The following RNF34 variants were observed in gnomAD, a reference collection of about 807,000 sequenced individuals.
RNF34 encodes E3 ubiquitin-protein ligase RNF34.
Under a neutral mutation model 37.9 loss-of-function variants are expected in RNF34, and 12 were observed. The observed-to-expected ratio is 0.32, with a 90% CI of 0.20 to 0.51. The LOEUF (loss-of-function observed/expected upper bound fraction) is 0.51, where lower values mean the gene tolerates loss of function less well. Ranked by LOEUF, RNF34 falls within the 20% of genes least tolerant of loss-of-function variation. The pLI is 0.97. For missense variants in RNF34, 362 were observed against 472.7 expected, an observed-to-expected ratio of 0.77 and a Z score of 2.17; for synonymous variants, 155 against 177.2, an observed-to-expected ratio of 0.87 and a Z score of 1.00.
chr12:121,416,563 A>G (rs1416858206), intron 2 of RNF34, 186 bp downstream of exon 2: 15 of 541,512 alleles, frequency 2.8e-5, no homozygotes, highest in Non-Finnish European at 4.9e-5. Flanking sequence ...AGTTTTATAG[A>G]CATTGTTTCT....
intron 1 of RNF34, among the ~76,000 whole-genome samples, chr12:121,403,201 C>T (rs556701475): frequency 8.3e-4 from 126 of 152,176 alleles, no homozygotes; most frequent in Middle Eastern, 3.4e-3. Context: ...TTGAGACCAT[C>T]CTGGCTAACA....
intron 1 of RNF34, among the ~76,000 whole-genome samples, chr12:121,415,565 G>A (rs781953057): frequency 1.4e-4 from 22 of 152,096 alleles, no homozygotes; most frequent in Admixed American, 2.6e-4. Context: ...GCAGTGAGCC[G>A]AGATTGCGCC....
intron 1 of RNF34, chr12:121,409,362 A>G (rs1870835328): frequency 6.6e-6 from 1 of 152,238 alleles, no homozygotes; most frequent in Non-Finnish European, 1.5e-5. Flanking sequence ...ACAGAAAAAC[A>G]TGTAGACAGG....
intron 1 of RNF34, chr12:121,402,701 C>A (rs913650994): frequency 3.1e-6 from 4 of 1,278,066 alleles, no homozygotes; most frequent in Non-Finnish European, 4.4e-6. Context: ...AGAAAGTAAT[C>A]TACTGAATGT....
chr12:121,404,107 C>G (rs1015620204), intron 1 of RNF34, among the ~76,000 whole-genome samples: 1 of 150,530 alleles, frequency 6.6e-6, no homozygotes, highest in Non-Finnish European at 1.5e-5. Context: ...CTCTGCCTCT[C>G]GGGTTCAAAC....
intron 1 of RNF34, among the ~76,000 whole-genome samples, chr12:121,407,633 A>C (rs998313886): frequency 3.3e-5 from 5 of 152,260 alleles, no homozygotes; most frequent in African/African-American, 4.8e-5. Context: ...AGATGCTTCA[A>C]TCTTACTATC....
Position 121,400,163 on chromosome 12 carries a change from A to T in RNF34, c.-50A>T, listed in dbSNP as rs529512856. 6.2e-7 allele frequency: 1 copy of T among 1,600,988 alleles called. No homozygotes were observed. The highest frequency in any genetic ancestry group is 1.3e-5 in the African/African-American group (1 of 74,684). On this transcript the variant is annotated 5_prime_UTR_variant, in exon 1 of 6. An upstream start codon of the reference 5' UTR is lost. Coordinates refer to ENST00000361234, the MANE Select transcript of RNF34 (RefSeq NM_025126.4). ...GAGGTCGGCAGTGTGAGGAGCTGCT[A>T]TGGTGCTGAGTTTCCTGGTAGAGCC...
chr12:121,416,020 A>C, intron 1 of RNF34, 139 bp from the exon 2 acceptor site: 2 of 635,116 alleles, frequency 3.1e-6, no homozygotes, highest in Non-Finnish European at 5.5e-6. Flanking sequence ...AATGGCTTGA[A>C]ATTTCAGTGC....
chr12:121,416,512 T>C, intron 2 of RNF34, 135 bp downstream of exon 2: 1 of 651,572 alleles, frequency 1.5e-6, no homozygotes, highest in Non-Finnish European at 2.7e-6. Context: ...CCATTTTCCA[T>C]CTAGAAAAAT....
intron 1 of RNF34, among the ~76,000 whole-genome samples, chr12:121,407,824 A>G (rs1181389586): frequency 6.6e-6 from 1 of 152,210 alleles, no homozygotes; most frequent in Non-Finnish European, 1.5e-5. Context: ...ACCCTACCGG[A>G]TATGGTAACT....
chr12:121,421,047 C>T (rs782308425), intron 5 of RNF34, among the ~76,000 whole-genome samples: 6 of 152,064 alleles, frequency 3.9e-5, no homozygotes, highest in African/African-American at 1.2e-4. Context: ...CTATTTGTTA[C>T]AACCCTAATT....
At chr12:121,420,426 TGTTTCTTCTGG>T in intron 4 of RNF34, 92 bp downstream of exon 4, 1 of 1,551,160 alleles carries the variant, frequency 6.4e-7, no homozygotes, top group South Asian at 1.2e-5. Flanking sequence ...TAGTACAGGA[TGTTTCTTCTGG>T]TTTGAATGTA....
intron 1 of RNF34, among the ~76,000 whole-genome samples, chr12:121,403,032 A>G (rs143103429): frequency 6.6e-6 from 1 of 152,300 alleles, no homozygotes; most frequent in East Asian, 1.9e-4. Context: ...ATTGTATTTC[A>G]GTTGAAGCAG....
intron 5 of RNF34, among the ~76,000 whole-genome samples, chr12:121,421,733 G>C (rs1872186225): frequency 6.6e-6 from 1 of 152,026 alleles, no homozygotes; most frequent in Middle Eastern, 3.4e-3. Flanking sequence ...ATTGAGACAG[G>C]GTCTCACTAT....
chr12:121,420,194 A>AAATACAGATTGATTCCTGACCT (rs1555282989), intron 3 of RNF34, 48 bp from the exon 4 acceptor site: 2 of 1,577,450 alleles, frequency 1.3e-6, no homozygotes, highest in Admixed American at 3.3e-5. Flanking sequence ...CTCTAGTGAT[A>AAATACAGATTGATTCCTGACCT]AATACAGATT....
chr12:121,419,252 C>T (rs151144914), intron 3 of RNF34, among the ~76,000 whole-genome samples: 118 of 152,296 alleles, frequency 7.7e-4, no homozygotes, highest in African/African-American at 2.6e-3. Context: ...ACGTGATGTA[C>T]GGCTTCGTAG....
At chr12:121,415,840 C>CTTTTTTT (rs782608817) in intron 1 of RNF34, among the ~76,000 whole-genome samples, 6 of 108,090 alleles carry the variant, frequency 5.6e-5, no homozygotes, top group Non-Finnish European at 7.2e-5. Flanking sequence ...TTTGTCCAGT[C>CTTTTTTT]TTTTTTTTTT....
intron 1 of RNF34, 54 bp downstream of exon 1, chr12:121,400,272 G>A: frequency 1.3e-6 from 2 of 1,591,538 alleles, no homozygotes; most frequent in Non-Finnish European, 8.5e-7. Flanking sequence ...ATCCTGCCAG[G>A]GCACCTGAAG....
At position 121,400,181 on chromosome 12, in the gene RNF34, G is replaced by T. The variant is rs1555279820; in HGVS notation, c.-32G>T. 1.2e-6 allele frequency: 2 copies of T among 1,606,594 alleles called. No individual in the cohort carries two copies. Among genetic ancestry groups the T allele is most frequent in the African/African-American group, 1.3e-5 (1 of 74,810 alleles). On this transcript the variant is annotated 5_prime_UTR_variant, in exon 1 of 6. Coordinates refer to ENST00000361234, the MANE Select transcript of RNF34 (RefSeq NM_025126.4). ...AGCTGCTATGGTGCTGAGTTTCCTG[G>T]TAGAGCCGGCCGAGCTGAGGCGGTC...
Sources: allele counts gnomAD v4.1 joint callset (sites outside exome capture counted in the v4.1 genomes callset), GRCh38; gene constraint gnomAD v4.1.1; transcripts MANE v1.5; gene names NCBI Gene and HGNC (gene_info 2026-07-23, HGNC 2026-07-21).